Variants in FARS2 observed in about 807,000 individuals in gnomAD.
FARS2 encodes phenylalanyl-tRNA synthetase 2, mitochondrial.
Under a neutral mutation model 46.4 loss-of-function variants are expected in FARS2, and 40 were observed. The observed-to-expected ratio is 0.86, with a 90% CI of 0.67 to 1.12. The LOEUF is 1.12. FARS2 is among the 50% of genes most tolerant of loss of function. The pLI is 0.00. For synonymous variants in FARS2, 234 were observed against 214.9 expected, an observed-to-expected ratio of 1.09 and a Z score of -0.78; for missense variants, 513 against 567.9, an observed-to-expected ratio of 0.90 and a Z score of 0.98.
At chr6:5,527,546 A>G (rs1328359851) in intron 4 of FARS2, among the ~76,000 whole-genome samples, 1 of 152,218 alleles carries the variant, frequency 6.6e-6, no homozygotes, top group Non-Finnish European at 1.5e-5. Flanking sequence ...TGTTTCCTCA[A>G]ACTCCTCTTA....
chr6:5,430,955 G>A, intron 3 of FARS2, 86 bp from the exon 4 acceptor site: 2 of 1,340,366 alleles, frequency 1.5e-6, no homozygotes, highest in South Asian at 2.8e-5. Context: ...AGTAATTGGT[G>A]TCATTAGTAG....
In FARS2 at chr6:5,335,275, G is replaced by A. The variant is rs543721695; in HGVS notation, c.-21-33275G>A. Among the ~76,000 whole-genome samples the A allele has an allele frequency of 9.2e-5, 14 of 152,208 alleles. No individual in the cohort carries two copies. The South Asian group carries it at 2.7e-3, about 29-fold the overall frequency. On this transcript the variant is annotated intron_variant, in intron 1 of 6. Transcript: ENST00000274680. ...GCTCCCATCTGATTCTTTGTGATCTGTTTAGCAGCCCAGGCCTGAAAGAGG... is the reference window on the plus strand; with the variant it reads ...GCTCCCATCTGATTCTTTGTGATCTATTTAGCAGCCCAGGCCTGAAAGAGG...
At chr6:5,760,918 T>G (rs769557577) in intron 6 of FARS2, among the ~76,000 whole-genome samples, 26 of 152,214 alleles carry the variant, frequency 1.7e-4, no homozygotes, top group Non-Finnish European at 3.1e-4. Context: ...CTTCCTACGG[T>G]GATTGTACAC....
chr6:5,321,037 T>C (rs1159031532), intron 1 of FARS2, among the ~76,000 whole-genome samples: 1 of 152,166 alleles, frequency 6.6e-6, no homozygotes, highest in Non-Finnish European at 1.5e-5. Context: ...CTCAACTATA[T>C]TGGAAATGTC....
intron 4 of FARS2, among the ~76,000 whole-genome samples, chr6:5,434,471 A>G (rs1246723520): frequency 6.6e-6 from 1 of 152,182 alleles, no homozygotes. Context: ...AAGAAGAGAC[A>G]ATTTTATAGA....
At chr6:5,376,800 C>A (rs949796168) in intron 2 of FARS2, among the ~76,000 whole-genome samples, 1 of 152,166 alleles carries the variant, frequency 6.6e-6, no homozygotes, top group Non-Finnish European at 1.5e-5. Flanking sequence ...TCTTTCTCAT[C>A]TGTCTTTGTC....
intron 1 of FARS2, among the ~76,000 whole-genome samples, chr6:5,288,486 C>G (rs1022713380): frequency 3.3e-5 from 5 of 152,290 alleles, no homozygotes; most frequent in Non-Finnish European, 7.4e-5. Context: ...CCAGGTTGTT[C>G]TTCTCACTTG....
chr6:5,701,519 C>A (rs1314149601), intron 6 of FARS2, among the ~76,000 whole-genome samples: 2 of 152,226 alleles, frequency 1.3e-5, no homozygotes, highest in Non-Finnish European at 2.9e-5. Flanking sequence ...ACAGTGACAT[C>A]ATCCAGGCGC....
chr6:5,477,465 G>A (rs952417850), intron 4 of FARS2, among the ~76,000 whole-genome samples: 2 of 152,126 alleles, frequency 1.3e-5, no homozygotes, highest in Non-Finnish European at 2.9e-5. Flanking sequence ...AGGCCTAGTT[G>A]ACTTGAGTTA....
At chr6:5,270,614 T>C (rs1157739879) in intron 1 of FARS2, among the ~76,000 whole-genome samples, 2 of 152,214 alleles carry the variant, frequency 1.3e-5, no homozygotes, top group Non-Finnish European at 2.9e-5. Flanking sequence ...TGGTCAGGTA[T>C]GTTCCTTAGA....
chr6:5,302,700 A>G (rs1261221850), intron 1 of FARS2, among the ~76,000 whole-genome samples: 5 of 152,234 alleles, frequency 3.3e-5, no homozygotes, highest in Non-Finnish European at 5.9e-5. Flanking sequence ...GTACCAAGGT[A>G]TGAAATTACT....
At chr6:5,310,700 A>G (rs1014235723) in intron 1 of FARS2, among the ~76,000 whole-genome samples, 1 of 152,232 alleles carries the variant, frequency 6.6e-6, no homozygotes. Context: ...TTGGCAAACA[A>G]TCAAACAAAA....
At position 5,341,220 on chromosome 6, in the gene FARS2, TA is replaced by T. The variant is rs1771586955; in HGVS notation, c.-21-27329del. Among the ~76,000 whole-genome samples, 30 of 7,692 alleles carry T rather than the reference TA, an allele frequency of 3.9e-3. 1 individual carries two copies. The highest frequency in any genetic ancestry group is 7.9e-3 in the African/African-American group (16 of 2,024). The allele number at this position is 7,692 out of a possible 152,430, so 5.0% of individuals were successfully genotyped here. ...ATATATATATATATATATATATATA[TA>T]TATATATATATATATTTTTTTTTTT... On this transcript the variant is annotated intron_variant, in intron 1 of 6. Transcript: ENST00000274680.
chr6:5,541,055 T>C (rs1286400628), intron 4 of FARS2, among the ~76,000 whole-genome samples: 1 of 152,230 alleles, frequency 6.6e-6, no homozygotes, highest in African/African-American at 2.4e-5. Flanking sequence ...AGGGGGTCTA[T>C]GGATCAGCAC....
chr6:5,673,719 A>G (rs1377014570), intron 6 of FARS2, among the ~76,000 whole-genome samples: 1 of 152,160 alleles, frequency 6.6e-6, no homozygotes, highest in African/African-American at 2.4e-5. Context: ...AGTGTAGAGT[A>G]GAGCTTCCCA....
intron 6 of FARS2, among the ~76,000 whole-genome samples, chr6:5,707,948 G>A (rs1390239635): frequency 6.6e-6 from 1 of 152,236 alleles, no homozygotes; most frequent in African/African-American, 2.4e-5. Flanking sequence ...ATTCCTTATG[G>A]CTGTGGCAAA....
chr6:5,260,997 C>A (rs1252096407), upstream of FARS2: 6 of 1,114,204 alleles, frequency 5.4e-6, no homozygotes, highest in Non-Finnish European at 2.2e-6. Flanking sequence ...CTCCGCCCCG[C>A]CCCGATCCCG....
chr6:5,671,498 C>A (rs1778458117), intron 6 of FARS2, among the ~76,000 whole-genome samples: 1 of 152,200 alleles, frequency 6.6e-6, no homozygotes, highest in Non-Finnish European at 1.5e-5. Context: ...CTATGGTGTT[C>A]AAGGTCACTG....
upstream of FARS2, among the ~76,000 whole-genome samples, chr6:5,259,844 G>A (rs1764898336): frequency 6.6e-6 from 1 of 152,128 alleles, no homozygotes; most frequent in South Asian, 2.1e-4. Context: ...AATGCAGAGA[G>A]AGAATCCATA....
Sources: gnomAD v4.1 joint callset for allele counts (sites outside exome capture counted in the v4.1 genomes callset) on GRCh38, gnomAD v4.1.1 for gene constraint, MANE v1.5 for transcripts, NCBI Gene and HGNC (gene_info 2026-07-23, HGNC 2026-07-21) for gene names.